The following HTRA3 variants were observed in gnomAD, a reference collection of about 807,000 sequenced individuals.
The protein encoded by HTRA3 is serine protease HTRA3.
In HTRA3, 41 loss-of-function variants were observed where a neutral mutation model predicts 43.2. That is an observed-to-expected ratio of 0.95 (90% CI 0.74 to 1.23). The LOEUF is 1.23. HTRA3 is among the 50% of genes most tolerant of loss of function. The probability of loss-of-function intolerance (pLI) is 0.00; values close to 1 mark genes in which losing one functional copy is unlikely to be tolerated. For missense variants in HTRA3, 628 were observed against 647.1 expected (o/e 0.97, Z 0.32); for synonymous variants, 295 against 287.9 (o/e 1.02, Z -0.25).
rs1051930189 is a variant in HTRA3 at position 8,278,498 on chromosome 4, A to G, written c.386-3939A>G. 2.0e-5 allele frequency among the ~76,000 whole-genome samples: 3 copies of G among 152,156 alleles called. No homozygotes were observed. The East Asian group carries it at 5.8e-4, about 29-fold the overall frequency. On this transcript the variant is annotated intron_variant, in intron 1 of 8. Transcript: ENST00000307358. ...GGGTGGAGGTTGTCAAAAACCCCCA[A>G]ATAAACAGAGTCTGCTTCCCAGCCG...
At chr4:8,304,575 C>G (rs1713766921) in intron 8 of HTRA3, among the ~76,000 whole-genome samples, 1 of 151,584 alleles carries the variant, frequency 6.6e-6, no homozygotes, top group Admixed American at 6.6e-5. Context: ...AGCTGGGGAC[C>G]AGCCTGGGTC....
At chr4:8,270,764 T>C (rs1212688000) in intron 1 of HTRA3, among the ~76,000 whole-genome samples, 2 of 152,300 alleles carry the variant, frequency 1.3e-5, no homozygotes, top group African/African-American at 4.8e-5. Flanking sequence ...CCTTCTTTCC[T>C]GGAGACTGTG....
chr4:8,306,347 G>A lies in HTRA3; in HGVS notation c.*211G>A, dbSNP rs890376332. 1.6e-5 allele frequency: 9 copies of A among 553,382 alleles called. No homozygotes were observed. Among genetic ancestry groups the A allele is most frequent in the Non-Finnish European group, 2.9e-5 (9 of 315,048 alleles). 34.3% of individuals were successfully genotyped at this position (553,382 alleles called of 1,614,324 possible). A position where few individuals can be genotyped will look rare whatever the true frequency, so the allele number is the denominator to read the frequency against. Reference sequence around the variant, plus strand: ...CCACATCCCGGTGCCGGGGAGGGAAGCCCAACATCCCCTTGTACAGATGAT... The same window carrying A: ...CCACATCCCGGTGCCGGGGAGGGAAACCCAACATCCCCTTGTACAGATGAT... On this transcript the variant is annotated 3_prime_UTR_variant, in exon 9 of 9. Transcript: ENST00000307358. This position sits in a 1 kb window ranked among gnomAD's most constrained non-coding sequence, Gnocchi z 8.9.
intron 1 of HTRA3, among the ~76,000 whole-genome samples, chr4:8,281,832 C>T (rs1471303707): frequency 6.6e-6 from 1 of 152,230 alleles, no homozygotes; most frequent in Non-Finnish European, 1.5e-5. Context: ...TGGGGTGTGG[C>T]CAAGTTAGAC....
chr4:8,294,335 G>T, intron 6 of HTRA3, 134 bp downstream of exon 6: 1 of 605,326 alleles, frequency 1.7e-6, no homozygotes, highest in Non-Finnish European at 2.9e-6. Flanking sequence ...GACAGGTCCT[G>T]TCTGCCCACC....
At chr4:8,277,561 C>G (rs1712578671) in intron 1 of HTRA3, among the ~76,000 whole-genome samples, 1 of 152,222 alleles carries the variant, frequency 6.6e-6, no homozygotes, top group Non-Finnish European at 1.5e-5. Context: ...CGCTGCTGGC[C>G]TGGGCCCTGA....
chr4:8,288,879 T>TTCCTTCCTTCCTTCCC (rs1713103559), intron 3 of HTRA3, among the ~76,000 whole-genome samples: 1 of 72,840 alleles, frequency 1.4e-5, no homozygotes, highest in African/African-American at 8.7e-5. Context: ...CCCCCAAATT[T>TTCCTTCCTTCCTTCCC]TCCTTCCTTC....
intron 3 of HTRA3, 139 bp from the exon 4 acceptor site, chr4:8,291,231 C>G (rs1713224489): frequency 1.4e-6 from 1 of 738,338 alleles, no homozygotes. Flanking sequence ...GGTGACCTGC[C>G]TGAGCCTTCA....
Position 8,286,518 on chromosome 4 carries a change from C to G in HTRA3, c.486-43C>G. ...CCACTGCGCCTGACTCCCCCGCGTC[C>G]TAGCCCCACCCTAAATGCCCGCCTG... On this transcript the variant is annotated intron_variant, in intron 2 of 8. Transcript: ENST00000307358. The surrounding 1 kb of genome is among the most constrained non-coding windows in gnomAD (Gnocchi z 4.9). The G allele has an allele frequency of 1.3e-6, 2 of 1,573,048 alleles. No homozygotes were observed. The highest frequency in any genetic ancestry group is 2.7e-5 in the African/African-American group (2 of 74,256).
rs931438639 is a variant in HTRA3 at position 8,279,082 on chromosome 4, C to T, written c.386-3355C>T. On this transcript the variant is annotated intron_variant, in intron 1 of 8. Transcript: ENST00000307358. This position sits in a 1 kb window ranked among gnomAD's most constrained non-coding sequence, Gnocchi z 7.4. ...GCTGGTTACCACTGGGGTGTGGAAG[C>T]GAACCAGATGGTCTCTGTCCCAAAG... Among the ~76,000 whole-genome samples, 1 of 151,938 alleles carries T rather than the reference C, an allele frequency of 6.6e-6. No homozygotes were observed. The highest frequency in any genetic ancestry group is 1.5e-5 in the Non-Finnish European group (1 of 68,004).
At position 8,274,387 on chromosome 4, in the gene HTRA3, G is replaced by A. The variant is rs150801811; in HGVS notation, c.385+4034G>A. On this transcript the variant is annotated intron_variant, in intron 1 of 8. Coordinates refer to ENST00000307358, the MANE Select transcript of HTRA3 (RefSeq NM_053044.5). ...CTTGGTGAGCACACCCAGGGTCTCC[G>A]GTGGGCCCTGCACACAGATGTGACT... is the stretch of plus-strand genomic sequence containing the variant. 1.4e-3 allele frequency among the ~76,000 whole-genome samples: 212 copies of A among 152,336 alleles called. 1 individual carries two copies. Among genetic ancestry groups the A allele is most frequent in the Non-Finnish European group, 2.4e-3 (163 of 68,030 alleles).
At chr4:8,289,323 A>G (rs1578799082) in intron 3 of HTRA3, among the ~76,000 whole-genome samples, 1 of 152,192 alleles carries the variant, frequency 6.6e-6, no homozygotes, top group Non-Finnish European at 1.5e-5. Context: ...ACAACCACGC[A>G]TCTCTGCTGT....
At chr4:8,301,773 T>C (rs1713664266) in intron 6 of HTRA3, among the ~76,000 whole-genome samples, 1 of 152,222 alleles carries the variant, frequency 6.6e-6, no homozygotes, top group Non-Finnish European at 1.5e-5. Context: ...TTTTTACTTA[T>C]TTGAAGATGA....
chr4:8,302,577 C>T, intron 7 of HTRA3, 66 bp downstream of exon 7: 1 of 1,517,136 alleles, frequency 6.6e-7, no homozygotes, highest in Non-Finnish European at 9.2e-7. Flanking sequence ...GACCCTCCCT[C>T]CAGACCCTGG....
At chr4:8,291,830 A>C (rs1389130297) in intron 4 of HTRA3, among the ~76,000 whole-genome samples, 1 of 152,222 alleles carries the variant, frequency 6.6e-6, no homozygotes, top group African/African-American at 2.4e-5. Context: ...CACAGCCCGC[A>C]AACACCTTTG....
intron 8 of HTRA3, 97 bp from the exon 9 acceptor site, chr4:8,305,874 T>C (rs996414350): frequency 1.5e-5 from 20 of 1,343,914 alleles, no homozygotes; most frequent in Non-Finnish European, 1.6e-5. Flanking sequence ...TGTTGAAATG[T>C]TGTCATTGAC....
intron 1 of HTRA3, among the ~76,000 whole-genome samples, chr4:8,273,525 C>T (rs915931936): frequency 6.6e-6 from 1 of 151,770 alleles, no homozygotes; most frequent in African/African-American, 2.4e-5. Flanking sequence ...GCCACCCTCC[C>T]CCCCGCACCC....
chr4:8,281,700 C>T (rs1375140752), intron 1 of HTRA3, among the ~76,000 whole-genome samples: 1 of 152,248 alleles, frequency 6.6e-6, no homozygotes, highest in Non-Finnish European at 1.5e-5. Flanking sequence ...GCTGTGGGCC[C>T]CGTGCCACTG....
At chr4:8,294,302 T>G (rs1713360809) in intron 6 of HTRA3, 101 bp downstream of exon 6, 17 of 829,838 alleles carry the variant, frequency 2.0e-5, no homozygotes. Flanking sequence ...CCGGAGGTGC[T>G]GGGTGAACTT....
Sources: allele counts gnomAD v4.1 joint callset (sites outside exome capture counted in the v4.1 genomes callset), GRCh38; gene constraint gnomAD v4.1.1; non-coding constraint Gnocchi (gnomAD v3.1); transcripts MANE v1.5; gene names NCBI Gene and HGNC (gene_info 2026-07-23, HGNC 2026-07-21).